The following RSF1 variants were observed in gnomAD, a reference collection of about 807,000 sequenced individuals.
RSF1 encodes HBV pX-associated protein 8.
Under a neutral mutation model 145.2 loss-of-function variants are expected in RSF1, and 13 were observed. The ratio of observed to expected loss-of-function variants is 0.09; its 90% confidence interval spans 0.06 to 0.14. RSF1 has a LOEUF of 0.14. RSF1 is among the 10% of genes least tolerant of loss of function. RSF1 has a pLI of 1.00. For synonymous variants in RSF1, 577 were observed against 592.6 expected (o/e 0.97, Z 0.38); for missense variants, 1,517 against 1,718.2 (o/e 0.88, Z 2.07).
chr11:77,865,441 G>C, the RSF1 span, among the ~76,000 whole-genome samples: 1 of 152,142 alleles, frequency 6.6e-6, no homozygotes, highest in Non-Finnish European at 1.5e-5. Context: ...GGCATGGCAG[G>C]GCTCTAACTT....
At chr11:77,669,061 C>T (rs1475343092) in intron 15 of RSF1, among the ~76,000 whole-genome samples, 2 of 152,172 alleles carry the variant, frequency 1.3e-5, no homozygotes, top group African/African-American at 4.8e-5. Flanking sequence ...AAACCTGCAG[C>T]CCTGTGGTCT....
chr11:77,831,694 CTT>C, the RSF1 span, among the ~76,000 whole-genome samples: 46 of 135,972 alleles, frequency 3.4e-4, no homozygotes, highest in Non-Finnish European at 6.3e-4. Context: ...ACTTAGGTAT[CTT>C]TTTTTTTTTT....
intron 1 of RSF1, among the ~76,000 whole-genome samples, chr11:77,818,353 T>A (rs1277325137): frequency 2.0e-5 from 3 of 152,182 alleles, no homozygotes; most frequent in Admixed American, 2.0e-4. Flanking sequence ...CCAAAGAAAT[T>A]ACCAAAACAA....
At chr11:77,745,409 T>C (rs1374560692) in intron 3 of RSF1, among the ~76,000 whole-genome samples, 1 of 152,192 alleles carries the variant, frequency 6.6e-6, no homozygotes, top group Non-Finnish European at 1.5e-5. Context: ...TCGATTGCTA[T>C]GAACTTCCCT....
intron 4 of RSF1, among the ~76,000 whole-genome samples, chr11:77,728,465 G>T (rs140015947): frequency 6.6e-6 from 1 of 151,510 alleles, no homozygotes; most frequent in Non-Finnish European, 1.5e-5. Context: ...ACCTGAGGTC[G>T]GGAGATGGAG....
At chr11:77,712,245 A>T (rs1477262270) in intron 5 of RSF1, among the ~76,000 whole-genome samples, 1 of 151,998 alleles carries the variant, frequency 6.6e-6, no homozygotes, top group Non-Finnish European at 1.5e-5. Context: ...GTCTCAGGAG[A>T]TGTGATGGTT....
chr11:77,776,998 C>CGG (rs1484013429), intron 1 of RSF1, among the ~76,000 whole-genome samples: 3 of 152,050 alleles, frequency 2.0e-5, no homozygotes, highest in Non-Finnish European at 4.4e-5. Flanking sequence ...AATGGTGACA[C>CGG]TAAACCATTT....
At chr11:77,751,870 T>G (rs933215232) in intron 2 of RSF1, among the ~76,000 whole-genome samples, 3 of 152,234 alleles carry the variant, frequency 2.0e-5, no homozygotes, top group African/African-American at 7.2e-5. Flanking sequence ...TTAACTAGTG[T>G]CAGGCTTTAT....
chr11:77,782,995 T>C (rs1233536026), intron 1 of RSF1, among the ~76,000 whole-genome samples: 1 of 152,254 alleles, frequency 6.6e-6, no homozygotes, highest in Non-Finnish European at 1.5e-5. Context: ...TTTTAATGTC[T>C]TCTTTTGAAT....
chr11:77,686,429 G>A (rs967699673), intron 9 of RSF1, among the ~76,000 whole-genome samples: 427 of 37,058 alleles, frequency 0.012, no homozygotes, highest in African/African-American at 0.017. Flanking sequence ...AAAAAAAAAA[G>A]CAGGTGTTTT....
In RSF1 at chr11:77,685,813, T is replaced by C. The variant is rs73506754; in HGVS notation, c.2901-654A>G. On this transcript the variant is annotated intron_variant, in intron 9 of 15. Coordinates refer to ENST00000308488, the MANE Select transcript of RSF1 (RefSeq NM_016578.4). Reference sequence around the variant, plus strand: ...ACCTTTGATTAGACAAATTAGATCTTTGTTATGCTGGAGAAAGTTTTTAGT... The same window carrying C: ...ACCTTTGATTAGACAAATTAGATCTCTGTTATGCTGGAGAAAGTTTTTAGT... 2.2e-3 allele frequency among the ~76,000 whole-genome samples: 332 copies of C among 152,314 alleles called. 2 individuals carry two copies. Among genetic ancestry groups the C allele is most frequent in the Middle Eastern group, 6.8e-3 (2 of 294 alleles).
chr11:77,805,820 G>T (rs1374970271), intron 1 of RSF1, among the ~76,000 whole-genome samples: 1 of 152,114 alleles, frequency 6.6e-6, no homozygotes, highest in East Asian at 1.9e-4. Flanking sequence ...AAACTAGAAA[G>T]TCACATATTT....
the RSF1 span, among the ~76,000 whole-genome samples, chr11:77,857,927 C>T: frequency 6.6e-6 from 1 of 152,098 alleles, no homozygotes. Context: ...GAACTCCTGA[C>T]CTTGTGATCT....
intron 2 of RSF1, among the ~76,000 whole-genome samples, chr11:77,755,764 G>A (rs1948109524): frequency 6.6e-6 from 1 of 152,026 alleles, no homozygotes; most frequent in African/African-American, 2.4e-5. Flanking sequence ...ATTTTTAGTA[G>A]AGATGGGGTT....
intron 2 of RSF1, 28 bp downstream of exon 2, chr11:77,764,570 G>C: frequency 8.4e-7 from 1 of 1,191,910 alleles, no homozygotes; most frequent in South Asian, 1.3e-5. Context: ...TTCAGTAATA[G>C]AGCAGGAAAT....
chr11:77,796,416 A>G (rs1948572841), intron 1 of RSF1, among the ~76,000 whole-genome samples: 1 of 152,214 alleles, frequency 6.6e-6, no homozygotes, highest in South Asian at 2.1e-4. Context: ...AAATTACATG[A>G]TTATCTCAAT....
At chr11:77,672,326 G>T (rs1959576676) in intron 14 of RSF1, 96 bp from the exon 15 acceptor site, 2 of 966,756 alleles carry the variant, frequency 2.1e-6, no homozygotes, top group Non-Finnish European at 3.0e-6. Flanking sequence ...GCAGAGTTCA[G>T]TCATAAATAT....
intron 1 of RSF1, among the ~76,000 whole-genome samples, chr11:77,786,033 G>A (rs1948453844): frequency 6.6e-6 from 1 of 150,872 alleles, no homozygotes; most frequent in African/African-American, 2.4e-5. Context: ...TCGTATAGTG[G>A]ATTTTAACAT....
chr11:77,801,140 G>A (rs2135977785), intron 1 of RSF1, among the ~76,000 whole-genome samples: 1 of 152,234 alleles, frequency 6.6e-6, no homozygotes, highest in African/African-American at 2.4e-5. Context: ...AAGAATACAT[G>A]GTTGGGGCTG....
Sources: allele counts gnomAD v4.1 joint callset (sites outside exome capture counted in the v4.1 genomes callset), GRCh38; gene constraint gnomAD v4.1.1; transcripts MANE v1.5; gene names NCBI Gene and HGNC (gene_info 2026-07-23, HGNC 2026-07-21).